Variants in PBX1 observed in about 807,000 individuals in gnomAD.
PBX1 encodes the protein pre-B-cell leukemia transcription factor 1.
Under a neutral mutation model 53.4 loss-of-function variants are expected in PBX1, and 6 were observed. The observed-to-expected ratio is 0.11, with a 90% CI of 0.06 to 0.22. The LOEUF is 0.22. PBX1 is among the 10% of genes least tolerant of loss of function. The pLI, the probability that PBX1 is intolerant of heterozygous loss-of-function variation, is 1.00. For missense variants in PBX1, 251 were observed against 551.4 expected, an observed-to-expected ratio of 0.46 and a Z score of 5.46; for synonymous variants, 204 against 212.3, an observed-to-expected ratio of 0.96 and a Z score of 0.34.
Position 164,660,463 on chromosome 1 carries a change from C to T in PBX1, c.265+97152C>T, listed in dbSNP as rs1660421611. Among the ~76,000 whole-genome samples, 6 of 152,226 alleles carry T rather than the reference C, an allele frequency of 3.9e-5. 1 individual carries two copies. The South Asian group carries it at 1.0e-3, about 26-fold the overall frequency. On this transcript the variant is annotated intron_variant, in intron 2 of 8. Transcript: ENST00000420696. ...CTGGCGAAAGATCAAGGACACTTTA[C>T]AGACCTCCTCTTGGGATAAAGTGTA...
intron 2 of PBX1, among the ~76,000 whole-genome samples, chr1:164,773,603 A>G (rs1667497049): frequency 1.3e-5 from 2 of 151,502 alleles, no homozygotes; most frequent in African/African-American, 4.8e-5. Flanking sequence ...GTCTTAAGGG[A>G]TAAGCTAGTG....
At chr1:164,789,293 T>C (rs1285440547) in intron 2 of PBX1, among the ~76,000 whole-genome samples, 1 of 152,190 alleles carries the variant, frequency 6.6e-6, no homozygotes, top group African/African-American at 2.4e-5. Context: ...TTGACTATTT[T>C]AAAAAGATGG....
chr1:164,870,297 CTTTCTTTCT>C lies in PBX1; in HGVS notation n.258-28888_258-28880del, dbSNP rs1672338868. The stretch of plus-strand genomic sequence containing the variant: ...TCTTTCTTTCTTTCTTTCTTTCTTT[CTTTCTTTCT>C]TTCTTTCTTTCTTTCTTTCTTTCTT... On this transcript the variant is annotated intron_variant and non_coding_transcript_variant, in intron 2 of 2. Transcript: ENST00000558796. Among the ~76,000 whole-genome samples the C allele has an allele frequency of 4.0e-4, 20 of 49,706 alleles. No individual in the cohort carries two copies. The Admixed American group carries it at 4.5e-3, about 11-fold the overall frequency. The allele number at this position is 49,706 out of a possible 152,430, so 32.6% of individuals were successfully genotyped here.
chr1:164,559,416 T>G lies in PBX1; in HGVS notation c.-407T>G. On this transcript the variant is annotated 5_prime_UTR_variant, in exon 1 of 9. It adds an upstream start codon to the 5' untranslated region. Transcript: ENST00000420696. ...CTCCTTTCTCCCGATCAATGCATATTTGCAAAAGGATTAAGCCACAGATTT... is the reference window on the plus strand; with the variant it reads ...CTCCTTTCTCCCGATCAATGCATATGTGCAAAAGGATTAAGCCACAGATTT... The G allele has an allele frequency of 4.2e-6, 1 of 239,372 alleles. No homozygotes were observed. Among genetic ancestry groups the G allele is most frequent in the Non-Finnish European group, 8.2e-6 (1 of 122,572 alleles). 14.8% of individuals were successfully genotyped at this position (239,372 alleles called of 1,614,324 possible). A position where few individuals can be genotyped will look rare whatever the true frequency, so the allele number is the denominator to read the frequency against.
chr1:164,702,654 C>T (rs1053299242), intron 2 of PBX1, among the ~76,000 whole-genome samples: 4 of 151,694 alleles, frequency 2.6e-5, no homozygotes, highest in Non-Finnish European at 4.4e-5. Context: ...CAGGAAATAT[C>T]AGCCCTTTTC....
intron 2 of PBX1, among the ~76,000 whole-genome samples, chr1:164,659,312 G>A (rs1660349806): frequency 6.6e-6 from 1 of 152,164 alleles, no homozygotes; most frequent in Non-Finnish European, 1.5e-5. Context: ...AGGGAAAAGG[G>A]GGTAAATCAA....
At chr1:164,765,496 A>G (rs1406524113) in intron 2 of PBX1, among the ~76,000 whole-genome samples, 5 of 152,220 alleles carry the variant, frequency 3.3e-5, no homozygotes, top group Non-Finnish European at 5.9e-5. Context: ...GGAAAAAGCA[A>G]ACAGCTGTTC....
At chr1:164,640,563 T>C (rs1173931083) in intron 2 of PBX1, among the ~76,000 whole-genome samples, 1 of 148,646 alleles carries the variant, frequency 6.7e-6, no homozygotes, top group Non-Finnish European at 1.5e-5. Flanking sequence ...TTTGTGTTTT[T>C]TTTTTTTTTT....
At chr1:164,832,203 T>G (rs1480469585) in intron 8 of PBX1, among the ~76,000 whole-genome samples, 1 of 152,176 alleles carries the variant, frequency 6.6e-6, no homozygotes, top group Non-Finnish European at 1.5e-5. Flanking sequence ...AAGAACCTTA[T>G]AGTGAAAGAA....
intron 2 of PBX1, among the ~76,000 whole-genome samples, chr1:164,763,209 C>T (rs1666896576): frequency 6.6e-6 from 1 of 152,126 alleles, no homozygotes; most frequent in African/African-American, 2.4e-5. Flanking sequence ...TCAGGGCTGG[C>T]AGAGTGGCTC....
At chr1:164,613,343 T>G (rs2101831690) in intron 2 of PBX1, among the ~76,000 whole-genome samples, 1 of 152,316 alleles carries the variant, frequency 6.6e-6, no homozygotes, top group South Asian at 2.1e-4. Flanking sequence ...TGCCCTGAAC[T>G]TGTCACTCTT....
At chr1:164,777,203 A>C (rs1016651948) in intron 2 of PBX1, among the ~76,000 whole-genome samples, 15 of 152,282 alleles carry the variant, frequency 9.9e-5, no homozygotes, top group African/African-American at 3.6e-4. Flanking sequence ...TGGGAGGATC[A>C]GTTGAGGCCA....
intron 2 of PBX1, among the ~76,000 whole-genome samples, chr1:164,725,734 C>T (rs1240861873): frequency 6.6e-6 from 1 of 152,136 alleles, no homozygotes; most frequent in Non-Finnish European, 1.5e-5. Flanking sequence ...AATTATGCTC[C>T]TATAATGTCT....
At chr1:164,640,201 G>A (rs1302778281) in intron 2 of PBX1, among the ~76,000 whole-genome samples, 1 of 152,160 alleles carries the variant, frequency 6.6e-6, no homozygotes, top group South Asian at 2.1e-4. Context: ...GGTTGGAAGA[G>A]GGCCCTTGCA....
At chr1:164,749,215 A>G (rs1000436468) in intron 2 of PBX1, among the ~76,000 whole-genome samples, 1 of 152,224 alleles carries the variant, frequency 6.6e-6, no homozygotes, top group Non-Finnish European at 1.5e-5. Context: ...TTTTTAATCT[A>G]TTTGCATATA....
chr1:164,695,135 C>T (rs1252837557), intron 2 of PBX1, among the ~76,000 whole-genome samples: 2 of 152,178 alleles, frequency 1.3e-5, no homozygotes, highest in Admixed American at 6.5e-5. Flanking sequence ...CTAAGGTTTG[C>T]AAATTATTTA....
chr1:164,674,045 A>G (rs1661283624), intron 2 of PBX1, among the ~76,000 whole-genome samples: 2 of 152,206 alleles, frequency 1.3e-5, no homozygotes, highest in African/African-American at 4.8e-5. Context: ...CATACAGAAC[A>G]TAGAGTTTCT....
At chr1:164,807,942 C>T (rs185118303) in intron 5 of PBX1, among the ~76,000 whole-genome samples, 195 of 152,270 alleles carry the variant, frequency 1.3e-3, no homozygotes, top group African/African-American at 4.5e-3. Context: ...TTCTTCCCAT[C>T]GAGCACTCCT....
intron 2 of PBX1, among the ~76,000 whole-genome samples, chr1:164,729,369 C>T (rs1388537128): frequency 1.3e-5 from 2 of 151,952 alleles, no homozygotes; most frequent in African/African-American, 4.8e-5. Flanking sequence ...TCTTTTTTTC[C>T]TTCCTTTTTT....
Sources: allele counts gnomAD v4.1 joint callset (sites outside exome capture counted in the v4.1 genomes callset), GRCh38; gene constraint gnomAD v4.1.1; transcripts MANE v1.5; gene names NCBI Gene and HGNC (gene_info 2026-07-23, HGNC 2026-07-21).